SAXO1: variants seen among roughly 807,000 people sequenced by gnomAD.
The protein encoded by SAXO1 is stabilizer of axonemal microtubules 1.
Under a neutral mutation model 17.5 loss-of-function variants are expected in SAXO1, and 21 were observed. That is an observed-to-expected ratio of 1.20 (90% confidence interval 0.85 to 1.72). SAXO1 has a LOEUF of 1.72. Ranked by LOEUF, SAXO1 falls within the 40% of genes most tolerant of loss-of-function variation. The pLI is 0.00. For synonymous variants in SAXO1, 274 were observed against 216.5 expected (o/e 1.27, Z -2.33); for missense variants, 843 against 596.0 (o/e 1.41, Z -4.32).
chr9:18,963,462 G>T (rs138707196), intron 1 of SAXO1, among the ~76,000 whole-genome samples: 5 of 152,070 alleles, frequency 3.3e-5, no homozygotes, highest in Admixed American at 6.6e-5. Context: ...CACTTGTTGT[G>T]TCCTCTATTT....
Position 18,941,749 on chromosome 9 carries a change from C to T in SAXO1, c.309G>A (p.Thr103=), listed in dbSNP as rs61743637. 857 of 1,614,146 alleles carry T rather than the reference C, an allele frequency of 5.3e-4. 3 individuals carry two copies. The African/African-American group carries it at 0.01, about 19-fold the overall frequency. Residue 103 remains threonine, a synonymous_variant, in exon 3 of 4, where the codon ACG becomes ACA. Transcript: ENST00000380534. The part of the protein sequence containing the change: ...VPSEENMDLL[T]TYKKDYNPYP... ...AGGGATTGTAATCTTTCTTATACGT[C>T]GTGAGCAAATCCATATTCTCTTCAC...
intron 1 of SAXO1, among the ~76,000 whole-genome samples, chr9:19,009,589 G>A (rs1834637906): frequency 1.3e-5 from 2 of 152,222 alleles, no homozygotes; most frequent in East Asian, 3.9e-4. Flanking sequence ...ATTTAAATCT[G>A]TGCAGAGAGG....
At chr9:19,041,601 T>C (rs972670897) in intron 1 of SAXO1, among the ~76,000 whole-genome samples, 5 of 152,062 alleles carry the variant, frequency 3.3e-5, no homozygotes, top group African/African-American at 1.2e-4. Flanking sequence ...AACAGACACA[T>C]AGACCAATAG....
At chr9:19,021,701 G>A (rs560802981) in intron 1 of SAXO1, among the ~76,000 whole-genome samples, 1 of 152,320 alleles carries the variant, frequency 6.6e-6, no homozygotes, top group African/African-American at 2.4e-5. Flanking sequence ...TGAGCTTCTG[G>A]GTCAGGTGGG....
At position 19,011,848 on chromosome 9, in the gene SAXO1, G is replaced by GTTTTTTTTTTT. The variant is rs10646825; in HGVS notation, c.38+21022_38+21023insAAAAAAAAAAA. On this transcript the variant is annotated intron_variant, in intron 1 of 3. Coordinates refer to ENST00000380534, the MANE Select transcript of SAXO1 (RefSeq NM_153707.4). Reference sequence around the variant, plus strand: ...TTCAATTTTACCATTATTAAGCATAGATTTTTTTTTTTTTTTGAGATGGAG... The same window carrying GTTTTTTTTTTT: ...TTCAATTTTACCATTATTAAGCATAGTTTTTTTTTTTATTTTTTTTTTTTTTTGAGATGGAG... Among the ~76,000 whole-genome samples, 10 of 143,522 alleles carry GTTTTTTTTTTT rather than the reference G, an allele frequency of 7.0e-5. 3 individuals carry two copies. The highest frequency in any genetic ancestry group is 4.5e-5 in the Non-Finnish European group (3 of 66,496). 94.2% of individuals were successfully genotyped at this position (143,522 alleles called of 152,430 possible).
At chr9:18,960,042 C>A (rs1448472034) in intron 1 of SAXO1, among the ~76,000 whole-genome samples, 1 of 152,194 alleles carries the variant, frequency 6.6e-6, no homozygotes. Context: ...AGAGCCAGAG[C>A]TGAGGGATGG....
Position 18,947,339 on chromosome 9 carries a change from C to T in SAXO1, c.218+3419G>A, listed in dbSNP as rs371570370. 2.4e-4 allele frequency among the ~76,000 whole-genome samples: 37 copies of T among 152,342 alleles called. No individual in the cohort carries two copies. The East Asian group carries it at 6.7e-3, about 28-fold the overall frequency. On this transcript the variant is annotated intron_variant, in intron 2 of 3. Transcript: ENST00000380534. ...ATACTAAATGCCCTTTCTCTCTTAGCTCTTCCCTCCCTTACTCTCCTTGGT... is the reference window on the plus strand; with the variant it reads ...ATACTAAATGCCCTTTCTCTCTTAGTTCTTCCCTCCCTTACTCTCCTTGGT...
In SAXO1 at chr9:19,049,333, C is replaced by T. The variant is rs887457336; in HGVS notation, c.-282G>A. On this transcript the variant is annotated 5_prime_UTR_variant, in exon 1 of 4. Transcript: ENST00000542071. This position sits in a 1 kb window ranked among gnomAD's most constrained non-coding sequence, Gnocchi z 5.4. ...AGAGCAGCGGCTTTTCAAGGCTCGT[C>T]GGGCACGGAGGGCGGAGCGAGGGAG... The T allele has an allele frequency of 1.2e-5, 3 of 250,440 alleles. No homozygotes were observed. Among genetic ancestry groups the T allele is most frequent in the African/African-American group, 4.6e-5 (2 of 43,604 alleles). 15.5% of individuals were successfully genotyped at this position (250,440 alleles called of 1,614,324 possible). A position where few individuals can be genotyped will look rare whatever the true frequency, so the allele number is the denominator to read the frequency against.
chr9:18,932,178 T>C (rs1157340435), intron 3 of SAXO1, among the ~76,000 whole-genome samples: 3 of 152,238 alleles, frequency 2.0e-5, no homozygotes, highest in South Asian at 4.1e-4. Context: ...ACATTTATAG[T>C]TTTAGCTATT....
intron 1 of SAXO1, among the ~76,000 whole-genome samples, chr9:18,975,354 G>A (rs1013726310): frequency 6.6e-6 from 1 of 152,162 alleles, no homozygotes; most frequent in Admixed American, 6.6e-5. Flanking sequence ...GCCCTCTTAG[G>A]GACGATGTGG....
At chr9:19,004,020 C>T (rs1834391281) in intron 1 of SAXO1, among the ~76,000 whole-genome samples, 1 of 152,050 alleles carries the variant, frequency 6.6e-6, no homozygotes, top group Non-Finnish European at 1.5e-5. Context: ...CCAGAATCCA[C>T]AAAGAACTTA....
intron 1 of SAXO1, among the ~76,000 whole-genome samples, chr9:18,984,464 A>G (rs1460858485): frequency 6.6e-6 from 1 of 152,246 alleles, no homozygotes; most frequent in Non-Finnish European, 1.5e-5. Context: ...AGCTGCCTTC[A>G]CCAGTGATCT....
chr9:19,001,687 T>C (rs912925452), intron 1 of SAXO1, among the ~76,000 whole-genome samples: 25 of 151,944 alleles, frequency 1.6e-4, no homozygotes, highest in African/African-American at 5.8e-4. Flanking sequence ...AAGATGTTCT[T>C]TGAAACCAAT....
At chr9:18,980,707 C>A (rs1242044678) in intron 1 of SAXO1, among the ~76,000 whole-genome samples, 1 of 141,874 alleles carries the variant, frequency 7.0e-6, no homozygotes, top group Admixed American at 7.6e-5. Context: ...ATTTTTAAAT[C>A]CTATATGTCT....
At chr9:19,023,797 G>GAGGAAAGCA (rs1554682409) in intron 1 of SAXO1, among the ~76,000 whole-genome samples, 42 of 151,596 alleles carry the variant, frequency 2.8e-4, no homozygotes, top group African/African-American at 9.9e-4. Flanking sequence ...GGAAGGGAGG[G>GAGGAAAGCA]AGGAAAGCAA....
At chr9:18,948,329 C>G (rs1218713941) in intron 2 of SAXO1, among the ~76,000 whole-genome samples, 1 of 152,178 alleles carries the variant, frequency 6.6e-6, no homozygotes, top group Admixed American at 6.5e-5. Context: ...CTTTACTTCT[C>G]TTTTTAGGGT....
chr9:18,954,220 A>G (rs1367279886), intron 1 of SAXO1, among the ~76,000 whole-genome samples: 1 of 152,232 alleles, frequency 6.6e-6, no homozygotes, highest in East Asian at 1.9e-4. Context: ...TGATACTTGG[A>G]AAAGAGAGTA....
intron 1 of SAXO1, among the ~76,000 whole-genome samples, chr9:18,990,338 G>C (rs1833766768): frequency 6.6e-6 from 1 of 152,136 alleles, no homozygotes; most frequent in Non-Finnish European, 1.5e-5. Context: ...ATTAACTCAT[G>C]ACAATGGGAC....
At chr9:19,042,268 C>T (rs1836096067) in intron 1 of SAXO1, among the ~76,000 whole-genome samples, 3 of 152,142 alleles carry the variant, frequency 2.0e-5, no homozygotes, top group African/African-American at 7.2e-5. Flanking sequence ...GTTAAAATGG[C>T]TTTTATCCAA....
Sources: allele counts gnomAD v4.1 joint callset (sites outside exome capture counted in the v4.1 genomes callset), GRCh38; gene constraint gnomAD v4.1.1; non-coding constraint Gnocchi (gnomAD v3.1); transcripts MANE v1.5; gene names NCBI Gene and HGNC (gene_info 2026-07-23, HGNC 2026-07-21).